Variants in AIG1 observed in about 807,000 individuals in gnomAD.
AIG1 encodes the protein androgen induced 1, also known as androgen-induced gene 1 protein.
Under a neutral mutation model 31.4 loss-of-function variants are expected in AIG1, and 23 were observed. The ratio of observed to expected loss-of-function variants is 0.73; its 90% CI spans 0.53 to 1.04. The LOEUF (loss-of-function observed/expected upper bound fraction) is 1.04, where lower values mean the gene tolerates loss of function less well. Among genes scored for constraint, AIG1 ranks in the 50% least tolerant of loss-of-function variants. The pLI is 0.00. For missense variants in AIG1, 274 were observed against 295.0 expected (o/e 0.93, Z 0.52); for synonymous variants, 100 against 110.5 (o/e 0.90, Z 0.60).
At chr6:143,145,403 C>G (rs1784618132) in intron 2 of AIG1, among the ~76,000 whole-genome samples, 1 of 152,138 alleles carries the variant, frequency 6.6e-6, no homozygotes, top group Admixed American at 6.6e-5. Context: ...CTTGGAGTTG[C>G]CACCTAAATC....
Position 143,183,196 on chromosome 6 carries a change from CT to C in AIG1, c.399+18030del, listed in dbSNP as rs35379724. 3.6e-3 allele frequency among the ~76,000 whole-genome samples: 480 copies of C among 132,834 alleles called. 2 individuals are homozygous for C. Among genetic ancestry groups the C allele is most frequent in the African/African-American group, 5.6e-3 (202 of 35,898 alleles). The allele number at this position is 132,834 out of a possible 152,430, so 87.1% of individuals were successfully genotyped here. On this transcript the variant is annotated intron_variant, in intron 3 of 5. Coordinates refer to ENST00000357847, the MANE Select transcript of AIG1 (RefSeq NM_016108.4). ...CTCTAAGGAAATAATCGGACAATGG[CT>C]TTTTTTTTTTTTTTTTGGAGACGGA...
chr6:143,208,644 C>T (rs537103064), intron 3 of AIG1, among the ~76,000 whole-genome samples: 6 of 152,200 alleles, frequency 3.9e-5, no homozygotes, highest in South Asian at 2.1e-4. Context: ...AATCAAGCAA[C>T]GCTGCAGAAA....
At chr6:143,228,664 G>T (rs563942331) in intron 3 of AIG1, among the ~76,000 whole-genome samples, 43 of 152,292 alleles carry the variant, frequency 2.8e-4, no homozygotes, top group Non-Finnish European at 8.8e-5. Flanking sequence ...AGAGGGCTTC[G>T]ACTCTGGGAC....
rs1280641828 is a variant in AIG1 at position 143,339,800 on chromosome 6, A to G, written c.*124A>G. 1.7e-5 allele frequency: 14 copies of G among 829,566 alleles called. No homozygotes were observed. The highest frequency in any genetic ancestry group is 8.7e-5 in the African/African-American group (5 of 57,538). 51.4% of individuals were successfully genotyped at this position (829,566 alleles called of 1,614,324 possible). On this transcript the variant is annotated 3_prime_UTR_variant, in exon 6 of 6. Transcript: ENST00000357847. ...GTGGCATCAGCACCCCCCTCCCCCA[A>G]TGAGGACACCTTTTATATATAAATA...
intron 1 of AIG1, among the ~76,000 whole-genome samples, chr6:143,063,028 G>A (rs2128455789): frequency 6.6e-6 from 1 of 152,308 alleles, no homozygotes; most frequent in Middle Eastern, 3.4e-3. Context: ...GTGAACAGAG[G>A]TAGAAATTGA....
chr6:143,091,753 A>G (rs1336692645), intron 1 of AIG1, among the ~76,000 whole-genome samples: 1 of 152,238 alleles, frequency 6.6e-6, no homozygotes, highest in East Asian at 1.9e-4. Context: ...TTAGTATGAG[A>G]GTACTAAAGT....
At chr6:143,080,552 G>C (rs990398982) in intron 1 of AIG1, among the ~76,000 whole-genome samples, 1 of 152,044 alleles carries the variant, frequency 6.6e-6, no homozygotes, top group Admixed American at 6.6e-5. Context: ...GAAGCTCTCG[G>C]TAAGGGGAGC....
At chr6:143,165,037 G>T in intron 2 of AIG1, 45 bp from the exon 3 acceptor site, 1 of 1,386,134 alleles carries the variant, frequency 7.2e-7, no homozygotes, top group South Asian at 1.2e-5. Context: ...TGTATGTTGT[G>T]GATAGTCGAT....
At position 143,334,606 on chromosome 6, in the gene AIG1, C is replaced by A. The variant is rs910663485; in HGVS notation, c.679+1161C>A. Among the ~76,000 whole-genome samples, 2 of 152,190 alleles carry A rather than the reference C, an allele frequency of 1.3e-5. No homozygotes were observed. Among genetic ancestry groups the A allele is most frequent in the African/African-American group, 2.4e-5 (1 of 41,448 alleles). On this transcript the variant is annotated intron_variant, in intron 5 of 5. Coordinates refer to ENST00000357847, the MANE Select transcript of AIG1 (RefSeq NM_016108.4). This position sits in a 1 kb window ranked among gnomAD's most constrained non-coding sequence, Gnocchi z 5.1. Reference sequence around the variant, plus strand: ...AGGCCACAGCTTGGGGAACAAGACACTAATCTTTTAATAATGTTCCACCTG... The same window carrying A: ...AGGCCACAGCTTGGGGAACAAGACAATAATCTTTTAATAATGTTCCACCTG...
intron 5 of AIG1, among the ~76,000 whole-genome samples, chr6:143,336,652 C>A (rs9403486): frequency 0.23 from 35,000 of 152,082 alleles, 4,394 homozygotes; most frequent in East Asian, 0.46. Flanking sequence ...TCTCTCCCCA[C>A]CAGAATACAT....
chr6:143,061,314 A>C, intron 1 of AIG1: 1 of 624,382 alleles, frequency 1.6e-6, no homozygotes, highest in Non-Finnish European at 3.0e-6. Flanking sequence ...TGGGGGACAA[A>C]TGGAGGTGGG....
At chr6:143,271,303 C>A (rs1796513962) in intron 3 of AIG1, among the ~76,000 whole-genome samples, 1 of 152,144 alleles carries the variant, frequency 6.6e-6, no homozygotes, top group African/African-American at 2.4e-5. Flanking sequence ...CTGAAATATC[C>A]CTGATTAATT....
Position 143,225,665 on chromosome 6 carries a change from GAAAA to G in AIG1, c.400-58440_400-58437del, listed in dbSNP as rs528365441. Among the ~76,000 whole-genome samples the G allele has an allele frequency of 4.5e-3, 684 of 151,754 alleles. 3 individuals carry two copies. Among genetic ancestry groups the G allele is most frequent in the African/African-American group, 0.015 (635 of 41,370 alleles). On this transcript the variant is annotated intron_variant, in intron 3 of 5. Coordinates refer to ENST00000357847, the MANE Select transcript of AIG1 (RefSeq NM_016108.4). ...AAAGAGGCAGCTTATTTAATAATTA[GAAAA>G]AAAACCCTGTAGCTCCAAGAAGCGA...
At chr6:143,213,765 C>T (rs1224889051) in intron 3 of AIG1, among the ~76,000 whole-genome samples, 2 of 151,954 alleles carry the variant, frequency 1.3e-5, no homozygotes, top group Non-Finnish European at 2.9e-5. Flanking sequence ...GACCCACCTG[C>T]CTCAGGCTCC....
chr6:143,117,169 C>A (rs1419994626), intron 1 of AIG1, among the ~76,000 whole-genome samples: 1 of 152,064 alleles, frequency 6.6e-6, no homozygotes, highest in East Asian at 1.9e-4. Context: ...AAAGAGACAG[C>A]CCCAAACCCA....
chr6:143,128,373 T>C (rs377615717), intron 1 of AIG1, among the ~76,000 whole-genome samples: 2 of 152,172 alleles, frequency 1.3e-5, no homozygotes, highest in Non-Finnish European at 1.5e-5. Flanking sequence ...GAGAAATGAA[T>C]ACTGAGTGAC....
intron 4 of AIG1, among the ~76,000 whole-genome samples, chr6:143,285,718 T>C (rs149702423): frequency 5.3e-5 from 8 of 152,218 alleles, no homozygotes; most frequent in African/African-American, 1.9e-4. Flanking sequence ...TTGCAAGGAC[T>C]AGGGAAGTAT....
At chr6:143,309,375 A>G (rs1775079894) in intron 4 of AIG1, among the ~76,000 whole-genome samples, 1 of 152,118 alleles carries the variant, frequency 6.6e-6, no homozygotes, top group South Asian at 2.1e-4. Context: ...ATCCTGAAAT[A>G]AAACATATGA....
At chr6:143,128,999 T>C (rs1215761661) in intron 1 of AIG1, among the ~76,000 whole-genome samples, 1 of 151,822 alleles carries the variant, frequency 6.6e-6, no homozygotes, top group African/African-American at 2.4e-5. Context: ...GTTTAGAAAA[T>C]AGGAAAAAAT....
Sources: gnomAD v4.1 joint callset for allele counts (sites outside exome capture counted in the v4.1 genomes callset) on GRCh38, gnomAD v4.1.1 for gene constraint, Gnocchi (gnomAD v3.1) non-coding constraint, MANE v1.5 for transcripts, NCBI Gene and HGNC (gene_info 2026-07-23, HGNC 2026-07-21) for gene names.